ARMH3: variants seen among roughly 807,000 people sequenced by gnomAD.
ARMH3 encodes the protein armadillo-like helical domain-containing protein 3.
In ARMH3, 60 loss-of-function variants were observed where a neutral mutation model predicts 99.1. That is an observed-to-expected ratio of 0.61 (90% CI 0.49 to 0.75). The LOEUF (loss-of-function observed/expected upper bound fraction) is 0.75, where lower values mean the gene tolerates loss of function less well. Ranked by LOEUF, ARMH3 falls within the 30% of genes least tolerant of loss-of-function variation. ARMH3 has a pLI of 0.00. For missense variants in ARMH3, 679 were observed against 843.1 expected, an observed-to-expected ratio of 0.81 and a Z score of 2.41; for synonymous variants, 285 against 292.8, an observed-to-expected ratio of 0.97 and a Z score of 0.27.
intron 1 of ARMH3, among the ~76,000 whole-genome samples, chr10:102,050,617 G>A (rs1356867332): frequency 6.6e-6 from 1 of 152,142 alleles, no homozygotes; most frequent in Non-Finnish European, 1.5e-5. Flanking sequence ...CAACACTCTT[G>A]GAGGCCGAGG....
intron 23 of ARMH3, among the ~76,000 whole-genome samples, chr10:101,925,627 G>A (rs929859095): frequency 2.6e-5 from 4 of 152,136 alleles, no homozygotes; most frequent in Admixed American, 6.5e-5. Context: ...AAGAATGAAC[G>A]GGCTGGGGGC....
chr10:101,966,133 C>T (rs1234437410), intron 20 of ARMH3, among the ~76,000 whole-genome samples: 5 of 138,708 alleles, frequency 3.6e-5, no homozygotes, highest in South Asian at 2.4e-4. Context: ...GACAGAGTCT[C>T]ACTCTGTCAC....
intron 17 of ARMH3, among the ~76,000 whole-genome samples, chr10:101,992,371 G>A (rs1846837440): frequency 6.6e-6 from 1 of 151,934 alleles, no homozygotes; most frequent in Non-Finnish European, 1.5e-5. Context: ...GAGGTACACT[G>A]GTGTTTTTCT....
intron 24 of ARMH3, among the ~76,000 whole-genome samples, chr10:101,869,817 G>A (rs1196588246): frequency 6.6e-6 from 1 of 152,174 alleles, no homozygotes; most frequent in Admixed American, 6.5e-5. Flanking sequence ...TGGATCACTT[G>A]AGCTCAAGAG....
At position 102,023,697 on chromosome 10, in the gene ARMH3, C is replaced by T; in HGVS notation, c.560G>A (p.Ser187Asn). Reference sequence around the variant, plus strand: ...TACCTGTAAAATTGCTTCAAATATGCTGTTGATCATTACATACTCGAGAAT... The same window carrying T: ...TACCTGTAAAATTGCTTCAAATATGTTGTTGATCATTACATACTCGAGAAT... ...NTILEYVMIN[S>N]IFEAILQILS... Residue 187 changes from serine (S) to asparagine (N), a missense_variant, in exon 7 of 26, where the codon AGC becomes AAC. Coordinates refer to ENST00000370033, the MANE Select transcript of ARMH3 (RefSeq NM_024541.3). 1 of 1,614,050 alleles carries T rather than the reference C, an allele frequency of 6.2e-7. No homozygotes were observed. The highest frequency in any genetic ancestry group is 8.5e-7 in the Non-Finnish European group (1 of 1,179,960).
intron 1 of ARMH3, among the ~76,000 whole-genome samples, chr10:102,044,091 C>CTTTTTTTT (rs778226635): frequency 9.6e-6 from 1 of 104,124 alleles, no homozygotes; most frequent in Non-Finnish European, 2.0e-5. Flanking sequence ...TAATTTTTTT[C>CTTTTTTTT]TTTTTTTTTT....
chr10:101,872,429 G>C (rs1449489515), intron 24 of ARMH3, among the ~76,000 whole-genome samples: 4 of 152,180 alleles, frequency 2.6e-5, no homozygotes, highest in Non-Finnish European at 4.4e-5. Context: ...GGGCACAGTG[G>C]CTCATGTCTG....
chr10:101,986,377 G>C (rs561498588), intron 19 of ARMH3, among the ~76,000 whole-genome samples: 1 of 152,076 alleles, frequency 6.6e-6, no homozygotes, highest in Non-Finnish European at 1.5e-5. Flanking sequence ...AAGAATCAAG[G>C]AGTACAGCTA....
intron 24 of ARMH3, among the ~76,000 whole-genome samples, chr10:101,862,924 C>A (rs530190861): frequency 1.1e-4 from 17 of 152,314 alleles, no homozygotes; most frequent in Admixed American, 1.1e-3. Context: ...TCCACTTAAG[C>A]CAGGCGCGGT....
intron 24 of ARMH3, among the ~76,000 whole-genome samples, chr10:101,862,239 A>G (rs764916592): frequency 2.6e-5 from 4 of 152,164 alleles, no homozygotes; most frequent in Non-Finnish European, 4.4e-5. Context: ...GAAACATACT[A>G]TTACAAGGTT....
At position 102,014,027 on chromosome 10, in the gene ARMH3, G is replaced by A; in HGVS notation, c.670-3C>T. The A allele has an allele frequency of 1.2e-6, 2 of 1,607,678 alleles. No individual in the cohort carries two copies. The highest frequency in any genetic ancestry group is 1.7e-6 in the Non-Finnish European group (2 of 1,176,524). ...TTCACAATATAAGGATTCACAGACT[G>A]TTAAATAAGAGAAGAGACTCCAGGT... is the stretch of plus-strand genomic sequence containing the variant. On this transcript the variant is annotated splice_region_variant and splice_polypyrimidine_tract_variant and intron_variant, in intron 8 of 25. Coordinates refer to ENST00000370033, the MANE Select transcript of ARMH3 (RefSeq NM_024541.3).
chr10:101,924,399 T>C (rs1234747075), intron 23 of ARMH3, among the ~76,000 whole-genome samples: 1 of 150,998 alleles, frequency 6.6e-6, no homozygotes, highest in Non-Finnish European at 1.5e-5. Context: ...TCTTGCTCTG[T>C]CGCCCAGGCT....
At chr10:101,997,283 A>G (rs1229435951) in intron 15 of ARMH3, among the ~76,000 whole-genome samples, 1 of 151,036 alleles carries the variant, frequency 6.6e-6, no homozygotes, top group African/African-American at 2.4e-5. Flanking sequence ...AACAAACAAA[A>G]CCAAAGGAAT....
intron 23 of ARMH3, among the ~76,000 whole-genome samples, chr10:101,916,028 T>C (rs1564748823): frequency 2.6e-5 from 4 of 152,118 alleles, no homozygotes; most frequent in South Asian, 2.1e-4. Context: ...ATGGTCTCGA[T>C]CTCCTGACCT....
At chr10:101,909,679 C>T (rs953657405) in intron 23 of ARMH3, among the ~76,000 whole-genome samples, 3 of 151,778 alleles carry the variant, frequency 2.0e-5, no homozygotes, top group African/African-American at 7.3e-5. Context: ...AAGCTGGTCT[C>T]GAACTCCTGG....
intron 23 of ARMH3, among the ~76,000 whole-genome samples, chr10:101,937,043 A>C (rs950167289): frequency 1.1e-4 from 16 of 152,248 alleles, no homozygotes; most frequent in African/African-American, 3.6e-4. Flanking sequence ...GCTCAAGGTC[A>C]CACAATAAGT....
At chr10:101,904,735 C>T (rs1431113040) in intron 23 of ARMH3, among the ~76,000 whole-genome samples, 1 of 151,718 alleles carries the variant, frequency 6.6e-6, no homozygotes, top group Non-Finnish European at 1.5e-5. Context: ...AGGCAGATTA[C>T]GAGGTCGGGA....
chr10:102,027,604 G>A (rs1430076034), intron 5 of ARMH3, among the ~76,000 whole-genome samples: 1 of 151,970 alleles, frequency 6.6e-6, no homozygotes, highest in Non-Finnish European at 1.5e-5. Context: ...GCAAGTACTT[G>A]CAGAGGATAC....
intron 23 of ARMH3, among the ~76,000 whole-genome samples, chr10:101,894,632 G>A (rs1348104786): frequency 6.6e-6 from 1 of 152,062 alleles, no homozygotes; most frequent in Non-Finnish European, 1.5e-5. Context: ...ATTTTCTTTA[G>A]GCTTTCCTTC....
Sources: allele counts gnomAD v4.1 joint callset (sites outside exome capture counted in the v4.1 genomes callset), GRCh38; gene constraint gnomAD v4.1.1; transcripts MANE v1.5; gene names NCBI Gene and HGNC (gene_info 2026-07-23, HGNC 2026-07-21).